FOXJ3: variants seen among roughly 807,000 people sequenced by gnomAD.
FOXJ3 encodes the protein forkhead box protein J3.
Under a neutral mutation model 76.1 loss-of-function variants are expected in FOXJ3, and 22 were observed. The observed-to-expected ratio is 0.29, with a 90% CI of 0.21 to 0.41. The LOEUF is 0.41. Among genes scored for constraint, FOXJ3 ranks in the 10% least tolerant of loss-of-function variants. The pLI, the probability that FOXJ3 is intolerant of heterozygous loss-of-function variation, is 1.00. For missense variants in FOXJ3, 613 were observed against 762.1 expected (o/e 0.80, Z 2.30); for synonymous variants, 269 against 261.2 (o/e 1.03, Z -0.29).
intron 4 of FOXJ3, among the ~76,000 whole-genome samples, chr1:42,260,023 C>A (rs1453130678): frequency 1.3e-5 from 2 of 152,186 alleles, no homozygotes; most frequent in African/African-American, 4.8e-5. Flanking sequence ...CAAACTCTTG[C>A]TTATCCTTCA....
intron 3 of FOXJ3, among the ~76,000 whole-genome samples, chr1:42,269,771 T>C (rs1047707142): frequency 1.3e-5 from 2 of 152,158 alleles, no homozygotes; most frequent in African/African-American, 2.4e-5. Context: ...CCTTACCATC[T>C]AAAACAAATC....
intron 5 of FOXJ3, among the ~76,000 whole-genome samples, chr1:42,214,430 G>A (rs942122975): frequency 2.0e-4 from 31 of 152,120 alleles, no homozygotes; most frequent in African/African-American, 6.8e-4. Flanking sequence ...AGAAAGTATC[G>A]ATGAATCTAA....
intron 2 of FOXJ3, among the ~76,000 whole-genome samples, chr1:42,299,314 G>C (rs1188571334): frequency 1.3e-5 from 2 of 151,422 alleles, no homozygotes; most frequent in East Asian, 3.9e-4. Context: ...ATATATTTAG[G>C]ATAGTTAAAT....
chr1:42,271,551 C>A (rs926904146), intron 3 of FOXJ3, among the ~76,000 whole-genome samples: 1 of 151,960 alleles, frequency 6.6e-6, no homozygotes, highest in African/African-American at 2.4e-5. Context: ...CACAATACAC[C>A]CACACACCAC....
chr1:42,223,557 C>CAA (rs982950517), intron 5 of FOXJ3, among the ~76,000 whole-genome samples: 1 of 152,142 alleles, frequency 6.6e-6, no homozygotes, highest in Admixed American at 6.5e-5. Context: ...ATTTTCTACG[C>CAA]AAAAACAGCT....
chr1:42,291,992 G>GT (rs1653467921), intron 2 of FOXJ3, among the ~76,000 whole-genome samples: 1 of 152,138 alleles, frequency 6.6e-6, no homozygotes, highest in African/African-American at 2.4e-5. Context: ...CCCGATGCCG[G>GT]TGGGAGGAAA....
chr1:42,270,517 T>C (rs149412920), intron 3 of FOXJ3, among the ~76,000 whole-genome samples: 90 of 152,266 alleles, frequency 5.9e-4, no homozygotes, highest in African/African-American at 2.1e-3. Context: ...GACTTGTACA[T>C]ACACATAAAA....
chr1:42,281,562 A>G (rs1015307853), intron 2 of FOXJ3, among the ~76,000 whole-genome samples: 2 of 152,244 alleles, frequency 1.3e-5, no homozygotes, highest in Admixed American at 1.3e-4. Context: ...CACTATAAAA[A>G]CATCTCAAAT....
chr1:42,235,737 A>T (rs1327047320), intron 4 of FOXJ3, among the ~76,000 whole-genome samples: 1 of 151,844 alleles, frequency 6.6e-6, no homozygotes, highest in East Asian at 1.9e-4. Flanking sequence ...TAATTTTCGT[A>T]TTTTTAGTTG....
intron 1 of FOXJ3, among the ~76,000 whole-genome samples, chr1:42,312,195 A>G (rs1052591013): frequency 2.0e-5 from 3 of 152,186 alleles, no homozygotes; most frequent in Non-Finnish European, 4.4e-5. Flanking sequence ...AAAAAAATCC[A>G]AAATTTTACC....
chr1:42,238,124 C>T (rs1295912183), intron 4 of FOXJ3, among the ~76,000 whole-genome samples: 4 of 152,180 alleles, frequency 2.6e-5, no homozygotes, highest in South Asian at 2.1e-4. Context: ...CCTCCACCTC[C>T]CAGATTCAAG....
rs566983322 is a variant in FOXJ3 at position 42,263,778 on chromosome 1, G to A, written c.444+1337C>T. On this transcript the variant is annotated intron_variant, in intron 4 of 12. Coordinates refer to ENST00000361346, the MANE Select transcript of FOXJ3 (RefSeq NM_014947.5). ...CAGTATATTCATTCATTCAACAAGG[G>A]TGTCTCCTCAGTGCCATCAGCCACT... Among the ~76,000 whole-genome samples the A allele has an allele frequency of 3.7e-4, 56 of 151,928 alleles. No homozygotes were observed. In the South Asian group the frequency reaches 0.011, roughly 29 times the overall value.
At position 42,230,621 on chromosome 1, in the gene FOXJ3, C is replaced by T. The variant is rs114889986; in HGVS notation, c.445-2655G>A. ...CATATGAGGTCAGGCATGGAATTTT[C>T]CACTAGTGGCATCATGTTGGCGCTC... On this transcript the variant is annotated intron_variant, in intron 4 of 12. Transcript: ENST00000361346. 7.2e-3 allele frequency among the ~76,000 whole-genome samples: 1,089 copies of T among 152,250 alleles called. 22 individuals carry two copies. The highest frequency in any genetic ancestry group is 0.025 in the African/African-American group (1,051 of 41,548).
chr1:42,232,154 T>A (rs1025648165), intron 4 of FOXJ3, among the ~76,000 whole-genome samples: 2 of 152,120 alleles, frequency 1.3e-5, no homozygotes, highest in African/African-American at 2.4e-5. Context: ...TGCATAGTAT[T>A]CCATGGTGTA....
At chr1:42,285,137 G>T (rs1397394418) in intron 2 of FOXJ3, among the ~76,000 whole-genome samples, 2 of 151,848 alleles carry the variant, frequency 1.3e-5, no homozygotes, top group East Asian at 3.9e-4. Flanking sequence ...AAGTTCAGGG[G>T]TACATTTGCA....
At chr1:42,304,195 A>C (rs1654324717) in intron 2 of FOXJ3, among the ~76,000 whole-genome samples, 1 of 152,152 alleles carries the variant, frequency 6.6e-6, no homozygotes, top group African/African-American at 2.4e-5. Flanking sequence ...GAATTAACCA[A>C]AGAAGTGAAA....
At chr1:42,230,642 C>A (rs146081655) in intron 4 of FOXJ3, among the ~76,000 whole-genome samples, 1 of 152,232 alleles carries the variant, frequency 6.6e-6, no homozygotes, top group South Asian at 2.1e-4. Flanking sequence ...ATCATGTTGG[C>A]GCTCAACAAG....
chr1:42,274,093 C>T (rs1284588001), intron 3 of FOXJ3, among the ~76,000 whole-genome samples: 3 of 152,144 alleles, frequency 2.0e-5, no homozygotes, highest in African/African-American at 7.2e-5. Context: ...CAAATTTTAG[C>T]CATTTCTACT....
intron 5 of FOXJ3, among the ~76,000 whole-genome samples, chr1:42,213,242 T>C (rs1307976056): frequency 6.6e-6 from 1 of 152,120 alleles, no homozygotes; most frequent in Admixed American, 6.5e-5. Flanking sequence ...TAATGTTGAA[T>C]GTACATGGTC....
Sources: allele counts gnomAD v4.1 joint callset (sites outside exome capture counted in the v4.1 genomes callset), GRCh38; gene constraint gnomAD v4.1.1; transcripts MANE v1.5; gene names NCBI Gene and HGNC (gene_info 2026-07-23, HGNC 2026-07-21).